Variants in ACP1 observed in about 807,000 individuals in gnomAD.
ACP1 encodes the protein acid phosphatase 1.
Under a neutral mutation model 23.4 loss-of-function variants are expected in ACP1, and 23 were observed. The ratio of observed to expected loss-of-function variants is 0.98; its 90% CI spans 0.71 to 1.39. The LOEUF (loss-of-function observed/expected upper bound fraction) is 1.39. Among genes scored for constraint, ACP1 ranks in the 40% most tolerant of loss-of-function variants. ACP1 has a pLI of 0.00. For missense variants in ACP1, 180 were observed against 197.7 expected, an observed-to-expected ratio of 0.91 and a Z score of 0.54; for synonymous variants, 72 against 67.2, an observed-to-expected ratio of 1.07 and a Z score of -0.35.
intron 2 of ACP1, 41 bp downstream of exon 2, chr2:271,980 C>G: frequency 6.2e-7 from 1 of 1,601,148 alleles, no homozygotes; most frequent in African/African-American, 1.4e-5. Flanking sequence ...AACCTGAACT[C>G]CTCTGGGCAG....
intron 1 of ACP1, 120 bp from the exon 2 acceptor site, chr2:271,746 C>T: frequency 1.3e-6 from 1 of 795,414 alleles, no homozygotes; most frequent in South Asian, 1.5e-5. Context: ...ATAGTGTTGG[C>T]CTTTGTTTTT....
At chr2:269,647 A>G (rs1050951733) in intron 1 of ACP1, among the ~76,000 whole-genome samples, 2 of 152,204 alleles carry the variant, frequency 1.3e-5, no homozygotes, top group African/African-American at 4.8e-5. Context: ...CCCAGAAGCA[A>G]GGTCGTAGAA....
chr2:271,192 T>C (rs933358833), intron 1 of ACP1, among the ~76,000 whole-genome samples: 1 of 150,648 alleles, frequency 6.6e-6, no homozygotes, highest in Non-Finnish European at 1.5e-5. Context: ...TGTGAAACAG[T>C]AGTCATCCTT....
chr2:272,224 G>A, intron 3 of ACP1, 74 bp downstream of exon 3: 2 of 1,614,170 alleles, frequency 1.2e-6, no homozygotes, highest in East Asian at 4.5e-5. Context: ...TTTCTGACTG[G>A]AACGTGGGCC....
At chr2:273,629 G>A (rs1670101936) in intron 3 of ACP1, among the ~76,000 whole-genome samples, 1 of 152,188 alleles carries the variant, frequency 6.6e-6, no homozygotes, top group Non-Finnish European at 1.5e-5. Context: ...GGCGTTTCTA[G>A]TTGTTTTTAG....
intron 4 of ACP1, 152 bp downstream of exon 4, chr2:275,353 A>C: frequency 2.4e-6 from 1 of 418,636 alleles, no homozygotes; most frequent in Non-Finnish European, 4.3e-6. Flanking sequence ...GAACAGCAAA[A>C]AACTTAGTAA....
intron 3 of ACP1, chr2:272,592 A>G: frequency 1.2e-6 from 1 of 808,024 alleles, no homozygotes; most frequent in Non-Finnish European, 1.8e-6. Flanking sequence ...TTCCTGCATA[A>G]TTTTTATTAA....
intron 1 of ACP1, among the ~76,000 whole-genome samples, chr2:271,624 G>C (rs967332919): frequency 1.1e-4 from 17 of 152,018 alleles, no homozygotes; most frequent in African/African-American, 3.6e-4. Context: ...TGATATCTTT[G>C]TCATCTGTAC....
chr2:268,022 G>C (rs1200103310), intron 1 of ACP1, among the ~76,000 whole-genome samples: 2 of 152,180 alleles, frequency 1.3e-5, no homozygotes, highest in African/African-American at 2.4e-5. Context: ...TGTACATAAA[G>C]GCAGTGGACC....
chr2:266,057 A>G (rs182572788), intron 1 of ACP1, among the ~76,000 whole-genome samples: 5 of 152,332 alleles, frequency 3.3e-5, no homozygotes, highest in Non-Finnish European at 7.3e-5. Flanking sequence ...TAATTTGTGT[A>G]ATATAGTAAA....
chr2:266,564 CTG>C (rs1444546662), intron 1 of ACP1, among the ~76,000 whole-genome samples: 6 of 152,312 alleles, frequency 3.9e-5, no homozygotes, highest in African/African-American at 1.2e-4. Context: ...GATCCCGAAA[CTG>C]TGGGTAGTAC....
chr2:268,861 A>G (rs958003761), intron 1 of ACP1, among the ~76,000 whole-genome samples: 5 of 152,238 alleles, frequency 3.3e-5, no homozygotes, highest in Non-Finnish European at 7.3e-5. Context: ...ATTTGGTGGC[A>G]TCAACTTTCG....
chr2:277,237 C>G lies in ACP1; in HGVS notation c.410C>G (p.Ser137Cys). 1 of 1,614,036 alleles carries G rather than the reference C, an allele frequency of 6.2e-7. No individual in the cohort carries two copies. The highest frequency in any genetic ancestry group is 1.1e-5 in the South Asian group (1 of 91,082). The change falls in exon 6 of 6, where the codon TCT becomes TGT. Residue 137 changes from serine to cysteine, a missense_variant. Physicochemically the swap from Ser to Cys is moderately radical, Grantham distance 112. This residue lies in a region of ACP1 where 35 missense variants were observed against 40.5 expected (regional missense o/e 0.86). Transcript: ENST00000272065. Reference protein sequence around the residue: ...IIEDPYYGNDSDFETVYQQCV... With the variant: ...IIEDPYYGNDCDFETVYQQCV... ...TTCCTGTCCATTTAGGGGAATGACT[C>G]TGACTTTGAGACGGTGTACCAGCAG...
chr2:272,382 G>C, intron 3 of ACP1: 1 of 1,523,484 alleles, frequency 6.6e-7, no homozygotes. Flanking sequence ...AACCAGACTT[G>C]TATATTAATG....
chr2:272,644 T>G (rs2103074401), intron 3 of ACP1: 1 of 489,634 alleles, frequency 2.0e-6, no homozygotes, highest in East Asian at 3.8e-5. Flanking sequence ...ATTGCAAGTT[T>G]GTTGCTAGAA....
chr2:271,031 G>A (rs1670014400), intron 1 of ACP1, among the ~76,000 whole-genome samples: 2 of 152,128 alleles, frequency 1.3e-5, no homozygotes, highest in South Asian at 2.1e-4. Context: ...TGTCGACATC[G>A]TGGTCTGGAG....
At chr2:271,842 C>A in intron 1 of ACP1, 24 bp from the exon 2 acceptor site, 1 of 1,580,414 alleles carries the variant, frequency 6.3e-7, no homozygotes, top group African/African-American at 1.3e-5. Flanking sequence ...AACCCTGTTT[C>A]CCCACCCCTC....
At position 264,974 on chromosome 2, in the gene ACP1, C is replaced by G; in HGVS notation, c.10C>G (p.Gln4Glu). 2 of 1,612,796 alleles carry G rather than the reference C, an allele frequency of 1.2e-6. No individual in the cohort carries two copies. Among genetic ancestry groups the G allele is most frequent in the Admixed American group, 1.7e-5 (1 of 59,914 alleles). The change falls in exon 1 of 6, where the codon CAG (glutamine) becomes GAG (glutamate). Residue 4 changes from glutamine to glutamate, a missense_variant. Coordinates refer to ENST00000272065, the MANE Select transcript of ACP1 (RefSeq NM_004300.4). MAE[Q>E]ATKSVLFVCL... ...CTCTGCGCGCGGGAAGATGGCGGAACAGGCTACCAAGTCCGTGCTGTTTGT... is the reference window on the plus strand; with the variant it reads ...CTCTGCGCGCGGGAAGATGGCGGAAGAGGCTACCAAGTCCGTGCTGTTTGT...
chr2:270,472 T>G (rs943431860), intron 1 of ACP1, among the ~76,000 whole-genome samples: 5 of 152,342 alleles, frequency 3.3e-5, no homozygotes, highest in Non-Finnish European at 7.3e-5. Flanking sequence ...CCTTTTAATA[T>G]CATCTCTAAT....
Sources: gnomAD v4.1 joint callset for allele counts (sites outside exome capture counted in the v4.1 genomes callset) on GRCh38, gnomAD v4.1.1 for gene constraint, gnomAD v4.1.1 regional missense constraint, MANE v1.5 for transcripts, NCBI Gene and HGNC (gene_info 2026-07-23, HGNC 2026-07-21) for gene names.